The following GNPDA2 variants were observed in gnomAD, a reference collection of about 807,000 sequenced individuals.
GNPDA2 encodes the protein glucosamine-6-phosphate deaminase 2.
GNPDA2 carries 24 observed loss-of-function variants against 27.0 expected under a neutral mutation model. The ratio of observed to expected loss-of-function variants is 0.89; its 90% CI spans 0.64 to 1.25. The LOEUF is 1.25. GNPDA2 is among the 50% of genes most tolerant of loss of function. The pLI is 0.00. For synonymous variants in GNPDA2, 94 were observed against 108.4 expected, an observed-to-expected ratio of 0.87 and a Z score of 0.83; for missense variants, 286 against 335.1, an observed-to-expected ratio of 0.85 and a Z score of 1.14.
intron 6 of GNPDA2, chr4:44,706,963 C>T (rs1289402968): frequency 6.6e-6 from 1 of 152,022 alleles, no homozygotes; most frequent in African/African-American, 2.4e-5. Context: ...CTTTTAATAT[C>T]AGCTATGTAA....
At position 44,702,680 on chromosome 4, in the gene GNPDA2, GC is replaced by G; in HGVS notation, c.*400del. 1 of 1,030,474 alleles carries G rather than the reference GC, an allele frequency of 9.7e-7. No individual in the cohort carries two copies. Among genetic ancestry groups the G allele is most frequent in the South Asian group, 3.7e-5 (1 of 26,814 alleles). The allele number at this position is 1,030,474 out of a possible 1,614,324, so 63.8% of individuals were successfully genotyped here. On this transcript the variant is annotated 3_prime_UTR_variant, in exon 7 of 7. Transcript: ENST00000295448. ...GATTGCATTCCAAAAGTGAAGGTCT[GC>G]AATGATAGTTTGTTATCTGAAAGGT...
At chr4:44,719,988 G>T (rs941320125) in intron 2 of GNPDA2, among the ~76,000 whole-genome samples, 1 of 151,864 alleles carries the variant, frequency 6.6e-6, no homozygotes, top group African/African-American at 2.4e-5. Flanking sequence ...TAATCTAAAA[G>T]AAGTCTGAGT....
At chr4:44,719,683 G>A (rs1717547434) in intron 2 of GNPDA2, among the ~76,000 whole-genome samples, 1 of 151,786 alleles carries the variant, frequency 6.6e-6, no homozygotes, top group Non-Finnish European at 1.5e-5. Context: ...ATGAGTTATA[G>A]GAGTCTCTCA....
intron 4 of GNPDA2, among the ~76,000 whole-genome samples, chr4:44,712,616 A>G (rs1261993703): frequency 1.3e-5 from 2 of 152,136 alleles, no homozygotes; most frequent in Admixed American, 6.6e-5. Flanking sequence ...TATCCCTAAC[A>G]TTTATATTTC....
chr4:44,717,203 G>A lies in GNPDA2; in HGVS notation c.319C>T (p.Leu107Phe). The change falls in exon 4 of 7, where the codon CTT (leucine) becomes TTT (phenylalanine). Residue 107 changes from leucine (L) to phenylalanine (F), a missense_variant. By Grantham distance (22) the Leu-to-Phe change is conservative (BLOSUM62 0). Transcript: ENST00000295448. The part of the protein sequence containing the change: ...IDIDPNNAHI[L>F]DGNAADLQAE... ...TGTAAATCTGCAGCATTCCCGTCAA[G>A]GATATGTGCATTATTAGGATCTATA... 1 of 1,603,666 alleles carries A rather than the reference G, an allele frequency of 6.2e-7. No individual in the cohort carries two copies. Among genetic ancestry groups the A allele is most frequent in the Non-Finnish European group, 8.5e-7 (1 of 1,172,568 alleles).
At chr4:44,705,986 TAAA>T (rs1252488958) in intron 6 of GNPDA2, 1 of 151,938 alleles carries the variant, frequency 6.6e-6, no homozygotes, top group Non-Finnish European at 1.5e-5. Context: ...AAAAATCTGA[TAAA>T]AACCTAATTG....
At chr4:44,725,740 T>C (rs1489089348) in intron 1 of GNPDA2, among the ~76,000 whole-genome samples, 2 of 144,728 alleles carry the variant, frequency 1.4e-5, no homozygotes, top group African/African-American at 5.0e-5. Context: ...TCCAAACTAT[T>C]GTCGCCTTAT....
chr4:44,724,250 T>A (rs1021840040), intron 1 of GNPDA2, among the ~76,000 whole-genome samples: 1 of 152,210 alleles, frequency 6.6e-6, no homozygotes, highest in African/African-American at 2.4e-5. Context: ...TTCCTTTGAT[T>A]TAGCTTTAGG....
At chr4:44,715,305 C>A (rs190549534) in intron 4 of GNPDA2, among the ~76,000 whole-genome samples, 1 of 152,210 alleles carries the variant, frequency 6.6e-6, no homozygotes, top group Admixed American at 6.5e-5. Context: ...ATAGTAAAAT[C>A]TATTTCCTAC....
At chr4:44,711,207 A>G in intron 4 of GNPDA2, 70 bp from the exon 5 acceptor site, 1 of 902,722 alleles carries the variant, frequency 1.1e-6, no homozygotes, top group Non-Finnish European at 1.5e-6. Flanking sequence ...TGTGCGTTAA[A>G]GAACAAAAAA....
At chr4:44,711,198 G>T in intron 4 of GNPDA2, 61 bp from the exon 5 acceptor site, 2 of 1,054,132 alleles carry the variant, frequency 1.9e-6, no homozygotes, top group Non-Finnish European at 1.3e-6. Context: ...AAAGTTCAAT[G>T]TGCGTTAAAG....
chr4:44,722,549 A>G (rs11945975), intron 1 of GNPDA2, among the ~76,000 whole-genome samples: 24,163 of 152,212 alleles, frequency 0.16, 2,488 homozygotes, highest in South Asian at 0.31. Flanking sequence ...TAGGGGAAAA[A>G]GATGTTTGCA....
chr4:44,708,114 T>C (rs1324565432), intron 5 of GNPDA2, among the ~76,000 whole-genome samples, 188 bp from the exon 6 acceptor site: 2 of 152,192 alleles, frequency 1.3e-5, no homozygotes, highest in Admixed American at 1.3e-4. Context: ...TTGCTTCTAG[T>C]TTAACAAAGC....
At position 44,702,116 on chromosome 4, in the gene GNPDA2, C is replaced by CATGT. The variant is rs1716307564; in HGVS notation, c.*961_*964dup. ...TACTATAATTGTTGGGAGTCGAATG[C>CATGT]ATGTATTCTTCAGGTTCACTTCTGG... On this transcript the variant is annotated 3_prime_UTR_variant, in exon 7 of 7. Coordinates refer to ENST00000295448, the MANE Select transcript of GNPDA2 (RefSeq NM_138335.3). The CATGT allele has an allele frequency of 1.0e-6, 1 of 969,782 alleles. No homozygotes were observed. Among genetic ancestry groups the CATGT allele is most frequent in the African/African-American group, 1.8e-5 (1 of 56,860 alleles). 60.1% of individuals were successfully genotyped at this position (969,782 alleles called of 1,614,324 possible).
Position 44,702,937 on chromosome 4 carries a change from G to A in GNPDA2, c.*144C>T. On this transcript the variant is annotated 3_prime_UTR_variant, in exon 7 of 7. Transcript: ENST00000295448. The stretch of plus-strand genomic sequence containing the variant: ...TACAAGATATAAATATTCAAAATAT[G>A]GAATGTTTAACATAGAGACTCGAAT... 6.8e-7 allele frequency: 1 copy of A among 1,475,496 alleles called. No individual in the cohort carries two copies. The highest frequency in any genetic ancestry group is 8.9e-7 in the Non-Finnish European group (1 of 1,122,790). 91.4% of individuals were successfully genotyped at this position (1,475,496 alleles called of 1,614,324 possible).
intron 6 of GNPDA2, chr4:44,705,255 A>C: frequency 1.0e-6 from 1 of 981,416 alleles, no homozygotes. Flanking sequence ...AGGTATGAAA[A>C]GTATACAAAC....
chr4:44,713,297 G>A (rs1292462543), intron 4 of GNPDA2, among the ~76,000 whole-genome samples: 1 of 152,272 alleles, frequency 6.6e-6, no homozygotes, highest in African/African-American at 2.4e-5. Context: ...ATCTTGACCA[G>A]GGATACAGTT....
chr4:44,703,852 T>A, intron 6 of GNPDA2: 1 of 985,112 alleles, frequency 1.0e-6, no homozygotes, highest in South Asian at 4.7e-5. Context: ...AGTACTATAT[T>A]TCTTTGGGGA....
intron 4 of GNPDA2, among the ~76,000 whole-genome samples, chr4:44,713,077 G>A (rs549446598): frequency 6.6e-6 from 1 of 152,260 alleles, no homozygotes; most frequent in South Asian, 2.1e-4. Context: ...ATTAAATAAT[G>A]GCTGGATAAA....
Sources: allele counts gnomAD v4.1 joint callset (sites outside exome capture counted in the v4.1 genomes callset), GRCh38; gene constraint gnomAD v4.1.1; transcripts MANE v1.5; gene names NCBI Gene and HGNC (gene_info 2026-07-23, HGNC 2026-07-21).